Variants in EPHA3 observed in about 807,000 individuals in gnomAD.
EPHA3 encodes EPH receptor A3, also known as ephrin type-A receptor 3.
In EPHA3, 42 loss-of-function variants were observed where a neutral mutation model predicts 107.1. The observed-to-expected ratio is 0.39, with a 90% CI of 0.31 to 0.51. EPHA3 has a LOEUF of 0.51. EPHA3 is among the 20% of genes least tolerant of loss of function. EPHA3 has a pLI of 0.78. For synonymous variants in EPHA3, 461 were observed against 424.8 expected (o/e 1.09, Z -1.05); for missense variants, 1,183 against 1,211.2 (o/e 0.98, Z 0.35).
chr3:89,362,188 G>A (rs1368738464), intron 5 of EPHA3, among the ~76,000 whole-genome samples: 1 of 151,060 alleles, frequency 6.6e-6, no homozygotes, highest in Non-Finnish European at 1.5e-5. Context: ...TATTAATCCA[G>A]AAGATCTTCA....
chr3:89,136,342 T>TTTTTTTTTTTTTTC, intron 2 of EPHA3, among the ~76,000 whole-genome samples: 1 of 136,630 alleles, frequency 7.3e-6, no homozygotes, highest in South Asian at 2.5e-4. Flanking sequence ...TTTTTTTTTT[T>TTTTTTTTTTTTTTC]TTTTTTTTTT....
chr3:89,161,554 G>A (rs1704942281), intron 2 of EPHA3, among the ~76,000 whole-genome samples: 1 of 151,996 alleles, frequency 6.6e-6, no homozygotes, highest in Non-Finnish European at 1.5e-5. Context: ...ACAGAGTATG[G>A]ATATACCATG....
intron 13 of EPHA3, among the ~76,000 whole-genome samples, chr3:89,435,774 G>A (rs1179710078): frequency 6.7e-6 from 1 of 150,160 alleles, no homozygotes; most frequent in Non-Finnish European, 1.5e-5. Flanking sequence ...CCAACATGGT[G>A]AAACCCCGTG....
chr3:89,187,770 A>G (rs1399781203), intron 2 of EPHA3, among the ~76,000 whole-genome samples: 1 of 152,158 alleles, frequency 6.6e-6, no homozygotes, highest in Non-Finnish European at 1.5e-5. Context: ...TGTCACCATA[A>G]ACACTTATCT....
At chr3:89,181,745 T>G (rs999360249) in intron 2 of EPHA3, among the ~76,000 whole-genome samples, 7 of 151,998 alleles carry the variant, frequency 4.6e-5, no homozygotes, top group Non-Finnish European at 8.8e-5. Context: ...TTTAAGATTG[T>G]GGCAGCAGAT....
intron 12 of EPHA3, among the ~76,000 whole-genome samples, chr3:89,429,470 A>G (rs1237352738): frequency 1.3e-5 from 2 of 152,146 alleles, no homozygotes; most frequent in Admixed American, 1.3e-4. Flanking sequence ...AATAAAACCC[A>G]CTGATGTAAG....
At chr3:89,340,807 A>G in intron 3 of EPHA3, 109 bp from the exon 4 acceptor site, 1 of 1,207,466 alleles carries the variant, frequency 8.3e-7, no homozygotes, top group Non-Finnish European at 1.1e-6. Context: ...GGAGGAAAAA[A>G]CTTGATTTTT....
At chr3:89,111,364 CTATCA>C (rs1559735901) in intron 1 of EPHA3, among the ~76,000 whole-genome samples, 1 of 151,906 alleles carries the variant, frequency 6.6e-6, no homozygotes, top group African/African-American at 2.4e-5. Context: ...GAGAACTAAG[CTATCA>C]TATCATCTTT....
At chr3:89,183,976 A>C (rs1182950863) in intron 2 of EPHA3, among the ~76,000 whole-genome samples, 2 of 151,942 alleles carry the variant, frequency 1.3e-5, no homozygotes, top group Non-Finnish European at 2.9e-5. Flanking sequence ...GACTATAAAA[A>C]TTTTTAAGAT....
intron 3 of EPHA3, among the ~76,000 whole-genome samples, chr3:89,319,108 C>T (rs975306418): frequency 1.3e-5 from 2 of 151,840 alleles, no homozygotes; most frequent in African/African-American, 2.4e-5. Context: ...ATCTTTTCTC[C>T]AGGTTCCAAA....
chr3:89,190,293 C>A (rs1705678358), intron 2 of EPHA3, among the ~76,000 whole-genome samples: 1 of 152,132 alleles, frequency 6.6e-6, no homozygotes, highest in African/African-American at 2.4e-5. Flanking sequence ...CAAACTAACT[C>A]TCTTATTTTT....
In EPHA3 at chr3:89,107,842, C is replaced by T. The variant is rs1392107319; in HGVS notation, c.88+6C>T. The T allele has an allele frequency of 1.2e-6, 2 of 1,613,564 alleles. No homozygotes were observed. The highest frequency in any genetic ancestry group is 2.7e-5 in the African/African-American group (2 of 74,918). On this transcript the variant is annotated splice_donor_region_variant and intron_variant, in intron 1 of 16. Transcript: ENST00000336596. ...TCCGCAGCCTTCCAATGAAGGTAAG[C>T]CAGGTACCGCGACGCACGGAGCTCT...
rs77181001 is a variant in EPHA3, at chr3:89,108,973, G to A, written c.88+1137G>A. ...TACATCACTCCTTAGAAAATATATTGTCAAGCCAATACTGTTGTATATGTA... is the reference window on the plus strand; with the variant it reads ...TACATCACTCCTTAGAAAATATATTATCAAGCCAATACTGTTGTATATGTA... On this transcript the variant is annotated intron_variant, in intron 1 of 16. Transcript: ENST00000336596. Among the ~76,000 whole-genome samples, 704 of 151,020 alleles carry A rather than the reference G, an allele frequency of 4.7e-3. 13 individuals are homozygous for A. The highest frequency in any genetic ancestry group is 2.6e-3 in the Non-Finnish European group (174 of 67,952).
At chr3:89,119,801 A>G (rs1239274494) in intron 1 of EPHA3, among the ~76,000 whole-genome samples, 1 of 152,142 alleles carries the variant, frequency 6.6e-6, no homozygotes, top group Non-Finnish European at 1.5e-5. Flanking sequence ...AAATGTCCAG[A>G]GGATGTTTTT....
chr3:89,221,200 G>A (rs1190497179), intron 3 of EPHA3, among the ~76,000 whole-genome samples: 1 of 152,218 alleles, frequency 6.6e-6, no homozygotes, highest in African/African-American at 2.4e-5. Context: ...TATGTTTACT[G>A]TAAGGATGCT....
chr3:89,451,485 C>T (rs1709988660), intron 15 of EPHA3, among the ~76,000 whole-genome samples: 1 of 152,072 alleles, frequency 6.6e-6, no homozygotes, highest in African/African-American at 2.4e-5. Context: ...CTCTTACAGG[C>T]TTTTAATTTT....
rs141128951 is a variant in EPHA3, at chr3:89,137,189, G to T, written c.153+9916G>T. Among the ~76,000 whole-genome samples, 917 of 151,932 alleles carry T rather than the reference G, an allele frequency of 6.0e-3. 7 individuals carry two copies. Among genetic ancestry groups the T allele is most frequent in the African/African-American group, 0.021 (859 of 41,490 alleles). On this transcript the variant is annotated intron_variant, in intron 2 of 16. Coordinates refer to ENST00000336596, the MANE Select transcript of EPHA3 (RefSeq NM_005233.6). ...CTATTCCTTTAATATTTTATAAAGA[G>T]TATATTCAGACTAAACATTATGTTT...
chr3:89,394,913 G>A (rs184998902), intron 5 of EPHA3, among the ~76,000 whole-genome samples: 232 of 152,246 alleles, frequency 1.5e-3, no homozygotes, highest in Non-Finnish European at 2.4e-3. Flanking sequence ...TTCGATTGGC[G>A]AGTGAACCAA....
chr3:89,328,831 G>A (rs1332416851), intron 3 of EPHA3, among the ~76,000 whole-genome samples: 1 of 152,142 alleles, frequency 6.6e-6, no homozygotes, highest in Non-Finnish European at 1.5e-5. Flanking sequence ...CATGGAGTAG[G>A]TTTCAGTAAA....
Sources: gnomAD v4.1 joint callset for allele counts (sites outside exome capture counted in the v4.1 genomes callset) on GRCh38, gnomAD v4.1.1 for gene constraint, MANE v1.5 for transcripts, NCBI Gene and HGNC (gene_info 2026-07-23, HGNC 2026-07-21) for gene names.